Variants in ARHGAP28 observed in about 807,000 individuals in gnomAD.
ARHGAP28 encodes rho GTPase-activating protein 28.
A neutral mutation model predicts 90.7 loss-of-function variants in ARHGAP28; 56 were observed. That is an observed-to-expected ratio of 0.62 (90% confidence interval 0.50 to 0.77). The LOEUF (loss-of-function observed/expected upper bound fraction) is 0.77, where lower values mean the gene tolerates loss of function less well. ARHGAP28 is among the 30% of genes least tolerant of loss of function. The pLI, the probability that ARHGAP28 is intolerant of heterozygous loss-of-function variation, is 0.00. For synonymous variants in ARHGAP28, 308 were observed against 323.3 expected (o/e 0.95, Z 0.51); for missense variants, 869 against 900.9 (o/e 0.96, Z 0.45).
Position 6,879,797 on chromosome 18 carries a change from T to C in ARHGAP28, c.1291-2340T>C, listed in dbSNP as rs185017820. Among the ~76,000 whole-genome samples the C allele has an allele frequency of 6.4e-4, 97 of 152,280 alleles. 3 individuals are homozygous for C. In the East Asian group the frequency reaches 0.016, roughly 25 times the overall value. Reference sequence around the variant, plus strand: ...GCCCTGCCCTGTGAGCTCTACATGATATTATTTGTTTTGATCTTGGGAATG... The same window carrying C: ...GCCCTGCCCTGTGAGCTCTACATGACATTATTTGTTTTGATCTTGGGAATG... On this transcript the variant is annotated intron_variant, in intron 10 of 17. Transcript: ENST00000383472.
At chr18:6,802,476 G>C (rs1000092761) in intron 1 of ARHGAP28, among the ~76,000 whole-genome samples, 27 of 149,698 alleles carry the variant, frequency 1.8e-4, no homozygotes, top group African/African-American at 6.6e-4. Flanking sequence ...CTTTTGAGTA[G>C]CTGGGATTAC....
At position 6,873,740 on chromosome 18, in the gene ARHGAP28, G is replaced by A. The variant is rs1185370985; in HGVS notation, c.1177G>A (p.Asp393Asn). The part of the protein sequence containing the change: ...TVLLDGDRKK[D>N]PGVKVPLVLQ... ...CCTCCTGGACGGTGACCGAAAGAAAGACCCTGGAGTGAAAGTTCCCCTGGT... is the reference window on the plus strand; with the variant it reads ...CCTCCTGGACGGTGACCGAAAGAAAAACCCTGGAGTGAAAGTTCCCCTGGT... The change falls in exon 9 of 18, where the codon GAC becomes AAC. Residue 393 changes from aspartate (D) to asparagine (N), a missense_variant. Coordinates refer to ENST00000383472, the MANE Select transcript of ARHGAP28 (RefSeq NM_001366230.1). The A allele has an allele frequency of 1.9e-6, 3 of 1,613,852 alleles. No homozygotes were observed. Among genetic ancestry groups the A allele is most frequent in the South Asian group, 2.2e-5 (2 of 91,072 alleles).
In ARHGAP28 at chr18:6,812,306, C is replaced by G. The variant is rs116330481; in HGVS notation, c.123-12456C>G. ...GCTAGCCATCAAAATCAAAATATTA[C>G]TAGGCAGCTTCTTGTTTTAAATAAT... On this transcript the variant is annotated intron_variant, in intron 1 of 17. Coordinates refer to ENST00000383472, the MANE Select transcript of ARHGAP28 (RefSeq NM_001366230.1). Among the ~76,000 whole-genome samples the G allele has an allele frequency of 9.7e-3, 1,474 of 152,222 alleles. 19 individuals are homozygous for G. The highest frequency in any genetic ancestry group is 0.033 in the African/African-American group (1,367 of 41,520).
At chr18:6,828,637 A>G (rs949146464) in intron 2 of ARHGAP28, among the ~76,000 whole-genome samples, 9 of 152,216 alleles carry the variant, frequency 5.9e-5, no homozygotes, top group African/African-American at 2.2e-4. Context: ...ATTCTTCTGC[A>G]TATGGCTGGC....
intron 2 of ARHGAP28, among the ~76,000 whole-genome samples, chr18:6,831,471 G>GTTTTTTTTTTTTTTTTTTT (rs57331018): frequency 3.3e-4 from 36 of 109,294 alleles, no homozygotes; most frequent in African/African-American, 9.4e-4. Context: ...GTATCTTGAT[G>GTTTTTTTTTTTTTTTTTTT]TTTTTTTTTT....
intron 16 of ARHGAP28, among the ~76,000 whole-genome samples, chr18:6,908,716 T>G (rs1222629967): frequency 6.6e-6 from 1 of 152,182 alleles, no homozygotes; most frequent in African/African-American, 2.4e-5. Flanking sequence ...ATGGGCTCTA[T>G]GTAGTGGAGC....
intron 16 of ARHGAP28, among the ~76,000 whole-genome samples, chr18:6,901,540 T>TAA (rs57305269): frequency 2.8e-4 from 37 of 132,500 alleles, no homozygotes; most frequent in South Asian, 5.3e-4. Flanking sequence ...CTTGATATGA[T>TAA]AAAAAAAAAA....
At chr18:6,874,501 C>A (rs928490315) in intron 9 of ARHGAP28, 2 of 152,096 alleles carry the variant, frequency 1.3e-5, no homozygotes, top group African/African-American at 4.8e-5. Flanking sequence ...TGCATTTATT[C>A]AACAGTGACA....
intron 1 of ARHGAP28, chr18:6,730,261 AT>A: frequency 5.6e-6 from 1 of 178,386 alleles, no homozygotes; most frequent in East Asian, 1.2e-4. Flanking sequence ...AAAGTTGCCT[AT>A]AAAACATCGG....
chr18:6,811,223 C>T (rs572170909), intron 1 of ARHGAP28, among the ~76,000 whole-genome samples: 1 of 152,190 alleles, frequency 6.6e-6, no homozygotes, highest in South Asian at 2.1e-4. Context: ...TCACCCTTGC[C>T]AACTTTCTAC....
intron 1 of ARHGAP28, among the ~76,000 whole-genome samples, chr18:6,770,525 C>T (rs1484500841): frequency 6.6e-6 from 1 of 152,140 alleles, no homozygotes; most frequent in African/African-American, 2.4e-5. Flanking sequence ...ACAATTCATC[C>T]CCACCTTCCC....
chr18:6,754,353 C>T (rs72884504), intron 1 of ARHGAP28, among the ~76,000 whole-genome samples: 5,482 of 152,132 alleles, frequency 0.036, 127 homozygotes, highest in South Asian at 0.049. Context: ...GTTGTTAAAT[C>T]GTACTAGAAG....
At chr18:6,784,768 CT>C in intron 1 of ARHGAP28, among the ~76,000 whole-genome samples, 1 of 152,332 alleles carries the variant, frequency 6.6e-6, no homozygotes, top group African/African-American at 2.4e-5. Flanking sequence ...CTTAAAGTCC[CT>C]CTGTAAAATC....
intron 1 of ARHGAP28, among the ~76,000 whole-genome samples, chr18:6,740,693 G>T (rs2055968989): frequency 6.6e-6 from 1 of 152,148 alleles, no homozygotes; most frequent in Non-Finnish European, 1.5e-5. Flanking sequence ...CCATGTTTTA[G>T]GAGTGTCTTC....
At chr18:6,881,546 A>G (rs1200289581) in intron 10 of ARHGAP28, among the ~76,000 whole-genome samples, 1 of 152,210 alleles carries the variant, frequency 6.6e-6, no homozygotes, top group Non-Finnish European at 1.5e-5. Context: ...CAGTGTTCCA[A>G]ACCTTACAAA....
At chr18:6,888,468 G>A (rs1362837485) in intron 12 of ARHGAP28, among the ~76,000 whole-genome samples, 4 of 152,104 alleles carry the variant, frequency 2.6e-5, no homozygotes, top group African/African-American at 4.8e-5. Flanking sequence ...CCTACACAGC[G>A]AAAATATCTA....
chr18:6,844,618 T>G (rs2056852468), intron 3 of ARHGAP28, among the ~76,000 whole-genome samples: 2 of 152,226 alleles, frequency 1.3e-5, no homozygotes, highest in African/African-American at 4.8e-5. Flanking sequence ...TGCACTTTCA[T>G]TTTTTTCAAT....
At chr18:6,886,111 G>A (rs2057219126) in intron 11 of ARHGAP28, among the ~76,000 whole-genome samples, 1 of 151,982 alleles carries the variant, frequency 6.6e-6, no homozygotes, top group South Asian at 2.1e-4. Context: ...CTGAACTCTA[G>A]CACGCACAGC....
chr18:6,834,731 G>T (rs537676600), intron 2 of ARHGAP28, among the ~76,000 whole-genome samples: 1 of 152,292 alleles, frequency 6.6e-6, no homozygotes, highest in African/African-American at 2.4e-5. Context: ...AAGGAAGGTG[G>T]ACCTTTTGAG....
Sources: gnomAD v4.1 joint callset for allele counts (sites outside exome capture counted in the v4.1 genomes callset) on GRCh38, gnomAD v4.1.1 for gene constraint, MANE v1.5 for transcripts, NCBI Gene and HGNC (gene_info 2026-07-23, HGNC 2026-07-21) for gene names.